The following PISD variants were observed in gnomAD, a reference collection of about 807,000 sequenced individuals.
The protein encoded by PISD is phosphatidylserine decarboxylase.
PISD carries 31 observed loss-of-function variants against 43.5 expected under a neutral mutation model. The observed-to-expected ratio is 0.71, with a 90% confidence interval of 0.54 to 0.96. PISD has a LOEUF of 0.96. PISD is among the 40% of genes least tolerant of loss of function. The pLI is 0.00. For missense variants in PISD, 523 were observed against 548.4 expected (o/e 0.95, Z 0.46); for synonymous variants, 259 against 228.7 (o/e 1.13, Z -1.20).
rs148851294 is a variant in PISD at position 31,638,077 on chromosome 22, G to T, written c.321+10024C>A. Among the ~76,000 whole-genome samples the T allele has an allele frequency of 9.9e-3, 1,515 of 152,336 alleles. 8 individuals are homozygous for T. Among genetic ancestry groups the T allele is most frequent in the Middle Eastern group, 0.031 (9 of 294 alleles). ...TGTCCTCCAAACCACTGGGCCAGGAGAGCCTGGCCCTGCTCTGTGGCCACT... is the reference window on the plus strand; with the variant it reads ...TGTCCTCCAAACCACTGGGCCAGGATAGCCTGGCCCTGCTCTGTGGCCACT... On this transcript the variant is annotated intron_variant, in intron 3 of 7. Coordinates refer to ENST00000439502, the MANE Select transcript of PISD (RefSeq NM_001326411.2).
intron 2 of PISD, 54 bp downstream of exon 2, chr22:31,650,645 G>C: frequency 9.5e-7 from 1 of 1,048,668 alleles, no homozygotes; most frequent in South Asian, 1.4e-5. Flanking sequence ...CCAATTTACA[G>C]ATGACCAAAC....
At chr22:31,628,995 A>G (rs2073057254) in intron 3 of PISD, 10 of 985,414 alleles carry the variant, frequency 1.0e-5, no homozygotes, top group Non-Finnish European at 1.2e-5. Context: ...TGAATAGGAA[A>G]CAATGGCTGA....
chr22:31,652,968 G>C (rs1251691311), intron 1 of PISD, among the ~76,000 whole-genome samples: 1 of 151,238 alleles, frequency 6.6e-6, no homozygotes, highest in African/African-American at 2.4e-5. Flanking sequence ...GAACCCAGGA[G>C]GCAGAGGTTA....
chr22:31,640,398 C>T (rs1463747607), intron 3 of PISD, among the ~76,000 whole-genome samples: 5 of 151,798 alleles, frequency 3.3e-5, no homozygotes, highest in Non-Finnish European at 5.9e-5. Context: ...GGTTTCACCA[C>T]GTTGCGCGGA....
At chr22:31,653,486 G>A (rs1353187524) in intron 1 of PISD, among the ~76,000 whole-genome samples, 5 of 152,118 alleles carry the variant, frequency 3.3e-5, no homozygotes, top group Non-Finnish European at 5.9e-5. Flanking sequence ...TGTATCCACC[G>A]TAACTGGACA....
intron 3 of PISD, among the ~76,000 whole-genome samples, chr22:31,633,935 G>C (rs1406498665): frequency 6.6e-6 from 1 of 152,154 alleles, no homozygotes; most frequent in Non-Finnish European, 1.5e-5. Context: ...TTTCCTTCAG[G>C]CCATGGAGTC....
chr22:31,636,451 C>T (rs960205980), intron 3 of PISD, among the ~76,000 whole-genome samples: 1 of 152,218 alleles, frequency 6.6e-6, no homozygotes, highest in Non-Finnish European at 1.5e-5. Context: ...ATAAAACCAC[C>T]TTCCGGGTTC....
intron 3 of PISD, chr22:31,623,981 G>T (rs1049545346): frequency 1.3e-6 from 1 of 758,778 alleles, no homozygotes; most frequent in Non-Finnish European, 2.1e-6. Flanking sequence ...CTCCATGGGG[G>T]TGATGGAGCC....
intron 3 of PISD, among the ~76,000 whole-genome samples, chr22:31,647,068 T>C (rs1046410339): frequency 1.3e-5 from 2 of 152,020 alleles, no homozygotes; most frequent in Non-Finnish European, 2.9e-5. Flanking sequence ...GTATACTAGA[T>C]TCTATTGGAA....
chr22:31,621,284 C>A, intron 5 of PISD, 50 bp downstream of exon 5: 7 of 1,612,006 alleles, frequency 4.3e-6, no homozygotes, highest in South Asian at 1.1e-5. Flanking sequence ...CCCTCCCGGT[C>A]CAGCCACACA....
At chr22:31,662,345 G>A, upstream of PISD, 2 of 852,662 alleles carry the variant, frequency 2.3e-6, no homozygotes, top group East Asian at 4.9e-5. Flanking sequence ...CCGCCCTGTG[G>A]CTACTCCCCA....
At position 31,618,579 on chromosome 22, in the gene PISD, G is replaced by A. The variant is rs15086; in HGVS notation, c.*1033C>T. The A allele has an allele frequency of 4.4e-6, 3 of 675,842 alleles. No individual in the cohort carries two copies. The highest frequency in any genetic ancestry group is 6.7e-6 in the Non-Finnish European group (3 of 448,922). 41.9% of individuals were successfully genotyped at this position (675,842 alleles called of 1,614,324 possible). ...CTCCCACTTTTCATACAAAAATACT[G>A]TGCTACTGATACAGTTGAAAAAATT... On this transcript the variant is annotated 3_prime_UTR_variant, in exon 8 of 8. Transcript: ENST00000439502.
At chr22:31,653,969 C>T (rs777760270) in intron 1 of PISD, among the ~76,000 whole-genome samples, 2 of 152,192 alleles carry the variant, frequency 1.3e-5, no homozygotes, top group African/African-American at 4.8e-5. Flanking sequence ...CACTGTCTAC[C>T]ATGCTATCAT....
At chr22:31,623,183 G>T (rs1240396394) in intron 3 of PISD, among the ~76,000 whole-genome samples, 2 of 152,192 alleles carry the variant, frequency 1.3e-5, no homozygotes, top group African/African-American at 4.8e-5. Context: ...CTAGGGACCA[G>T]GAGAGGACAA....
chr22:31,619,220 G>T lies in PISD; in HGVS notation c.*392C>A. 2 of 326,266 alleles carry T rather than the reference G, an allele frequency of 6.1e-6. No individual in the cohort carries two copies. Among genetic ancestry groups the T allele is most frequent in the South Asian group, 4.9e-5 (2 of 40,666 alleles). The allele number at this position is 326,266 out of a possible 1,614,324, so 20.2% of individuals were successfully genotyped here. ...GGAGCGTTAAGGCCAAAAAACAAAA[G>T]GGGCCAACAGAAAACAGCTCAGGTG... On this transcript the variant is annotated 3_prime_UTR_variant, in exon 8 of 8. Coordinates refer to ENST00000439502, the MANE Select transcript of PISD (RefSeq NM_001326411.2).
At chr22:31,626,119 G>T in intron 3 of PISD, 1 of 1,136,598 alleles carries the variant, frequency 8.8e-7, no homozygotes, top group South Asian at 1.8e-5. Context: ...ACTGTCCCCA[G>T]TCCTGGCCAC....
At chr22:31,653,243 T>C (rs1210937742) in intron 1 of PISD, among the ~76,000 whole-genome samples, 2 of 152,136 alleles carry the variant, frequency 1.3e-5, no homozygotes, top group Non-Finnish European at 2.9e-5. Context: ...ACAATGTTCA[T>C]TTCTTAGACT....
chr22:31,633,442 G>A (rs908614057), intron 3 of PISD, among the ~76,000 whole-genome samples: 41 of 152,190 alleles, frequency 2.7e-4, no homozygotes, highest in Non-Finnish European at 4.6e-4. Context: ...ACCACCAGGC[G>A]CGGTGGCTCA....
intron 1 of PISD, among the ~76,000 whole-genome samples, chr22:31,654,698 C>T (rs1401973792): frequency 2.6e-5 from 4 of 152,126 alleles, no homozygotes; most frequent in Admixed American, 6.6e-5. Flanking sequence ...GAGGATCATT[C>T]GGGCTTCCCA....
Sources: gnomAD v4.1 joint callset for allele counts (sites outside exome capture counted in the v4.1 genomes callset) on GRCh38, gnomAD v4.1.1 for gene constraint, MANE v1.5 for transcripts, NCBI Gene and HGNC (gene_info 2026-07-23, HGNC 2026-07-21) for gene names.